Variants in PRKN observed in about 807,000 individuals in gnomAD.
The protein encoded by PRKN is E3 ubiquitin-protein ligase parkin.
A neutral mutation model predicts 59.5 loss-of-function variants in PRKN; 56 were observed. The ratio of observed to expected loss-of-function variants is 0.94; its 90% CI spans 0.76 to 1.18. PRKN has a LOEUF of 1.18. Among genes scored for constraint, PRKN ranks in the 50% most tolerant of loss-of-function variants. PRKN has a pLI of 0.00. For synonymous variants in PRKN, 250 were observed against 222.1 expected (o/e 1.13, Z -1.12); for missense variants, 657 against 596.4 (o/e 1.10, Z -1.06).
Position 161,691,015 on chromosome 6 carries a change from G to A in PRKN, c.871+94757C>T, listed in dbSNP as rs371477194. Among the ~76,000 whole-genome samples, 23 of 125,842 alleles carry A rather than the reference G, an allele frequency of 1.8e-4. No homozygotes were observed. The East Asian group carries it at 3.0e-3, about 16-fold the overall frequency. 82.6% of individuals were successfully genotyped at this position (125,842 alleles called of 152,430 possible). Reference sequence around the variant, plus strand: ...CATCCATCCATCCATCCAACCATCCGTCCATCCATCCGTCCTCCTTTCCTT... The same window carrying A: ...CATCCATCCATCCATCCAACCATCCATCCATCCATCCGTCCTCCTTTCCTT... On this transcript the variant is annotated intron_variant, in intron 7 of 11. Transcript: ENST00000366898.
chr6:162,482,715 C>T (rs899437497), intron 1 of PRKN, among the ~76,000 whole-genome samples: 1 of 152,112 alleles, frequency 6.6e-6, no homozygotes, highest in Non-Finnish European at 1.5e-5. Flanking sequence ...GAAAAGAAAG[C>T]AAGCAAGAAT....
chr6:162,487,830 C>T (rs753931049), intron 1 of PRKN, among the ~76,000 whole-genome samples: 1 of 152,122 alleles, frequency 6.6e-6, no homozygotes, highest in African/African-American at 2.4e-5. Flanking sequence ...AATCCCAACA[C>T]TTTGGGAGGC....
intron 8 of PRKN, among the ~76,000 whole-genome samples, chr6:161,565,525 G>A (rs12662290): frequency 0.53 from 80,344 of 151,812 alleles, 21,751 homozygotes; most frequent in Middle Eastern, 0.65. Flanking sequence ...GAGTCCTCAC[G>A]AGATCTGATG....
rs1195595895 is a variant in PRKN, at chr6:161,385,517, C to T, written c.1167+1277G>A. On this transcript the variant is annotated intron_variant, in intron 10 of 11. Transcript: ENST00000366898. The surrounding 1 kb of genome is among the most constrained non-coding windows in gnomAD (Gnocchi z 4.9). ...GAATGGGATTAGAGGGAGGGTCAGG[C>T]GCCTGGATGGCTTTAGGTTAAGCAA... Among the ~76,000 whole-genome samples, 7 of 152,162 alleles carry T rather than the reference C, an allele frequency of 4.6e-5. No homozygotes were observed. In the East Asian group the frequency reaches 9.6e-4, roughly 21 times the overall value.
At chr6:161,609,906 G>T (rs1332593769) in intron 7 of PRKN, among the ~76,000 whole-genome samples, 2 of 152,132 alleles carry the variant, frequency 1.3e-5, no homozygotes, top group African/African-American at 4.8e-5. Flanking sequence ...AGCTTCAAAG[G>T]AGTCGAATTG....
At chr6:162,025,491 C>A (rs985025901) in intron 5 of PRKN, among the ~76,000 whole-genome samples, 1 of 150,480 alleles carries the variant, frequency 6.6e-6, no homozygotes, top group African/African-American at 2.5e-5. Context: ...TTAGTGACTT[C>A]CTTCTATTGA....
At position 161,456,025 on chromosome 6, in the gene PRKN, T is replaced by C; in HGVS notation, c.1084-69148A>G. On this transcript the variant is annotated intron_variant, in intron 9 of 11. Coordinates refer to ENST00000366898, the MANE Select transcript of PRKN (RefSeq NM_004562.3). This position sits in a 1 kb window ranked among gnomAD's most constrained non-coding sequence, Gnocchi z 4.8. ...TCAAAATCACTATGAAAAAATGTTTTCCTAAGGAGAACGTTGGCCTCTAGG... is the reference window on the plus strand; with the variant it reads ...TCAAAATCACTATGAAAAAATGTTTCCCTAAGGAGAACGTTGGCCTCTAGG... 1.3e-5 allele frequency among the ~76,000 whole-genome samples: 2 copies of C among 152,202 alleles called. 1 individual carries two copies. The highest frequency in any genetic ancestry group is 2.9e-5 in the Non-Finnish European group (2 of 68,050).
intron 4 of PRKN, among the ~76,000 whole-genome samples, chr6:162,069,254 G>A (rs900268948): frequency 6.6e-6 from 1 of 152,056 alleles, no homozygotes; most frequent in East Asian, 1.9e-4. Flanking sequence ...TGTATCAGGG[G>A]TTTCCACTTT....
At chr6:162,116,834 A>G (rs9456744) in intron 4 of PRKN, among the ~76,000 whole-genome samples, 22,086 of 152,210 alleles carry the variant, frequency 0.15, 1,931 homozygotes, top group African/African-American at 0.24. Flanking sequence ...GAGCTGAAAT[A>G]TGGGCAAATG....
At chr6:162,467,270 TC>T (rs1003079452) in intron 1 of PRKN, among the ~76,000 whole-genome samples, 4 of 152,136 alleles carry the variant, frequency 2.6e-5, no homozygotes, top group Admixed American at 6.6e-5. Flanking sequence ...CACTACTCTA[TC>T]CCCAATGTCT....
intron 10 of PRKN, among the ~76,000 whole-genome samples, chr6:161,366,936 C>G (rs1394834104): frequency 7.1e-6 from 1 of 140,412 alleles, no homozygotes; most frequent in East Asian, 2.1e-4. Flanking sequence ...CAATTAAACT[C>G]TGCTAGATTT....
At chr6:161,697,202 C>T (rs1222454731) in intron 7 of PRKN, among the ~76,000 whole-genome samples, 2 of 152,126 alleles carry the variant, frequency 1.3e-5, no homozygotes, top group Non-Finnish European at 1.5e-5. Context: ...AGTGATTCTC[C>T]ACTTGGGATG....
intron 1 of PRKN, among the ~76,000 whole-genome samples, chr6:162,609,659 T>G (rs548538867): frequency 9.6e-4 from 147 of 152,342 alleles, no homozygotes; most frequent in African/African-American, 3.4e-3. Flanking sequence ...ATATTTAAAT[T>G]CTTATTTTTA....
At chr6:162,169,080 T>A (rs950126585) in intron 4 of PRKN, among the ~76,000 whole-genome samples, 2 of 152,178 alleles carry the variant, frequency 1.3e-5, no homozygotes, top group African/African-American at 4.8e-5. Context: ...TGCTGAAGAC[T>A]TCAGGCTCTC....
intron 3 of PRKN, among the ~76,000 whole-genome samples, chr6:162,249,019 C>T (rs190871409): frequency 6.2e-4 from 95 of 152,050 alleles, no homozygotes; most frequent in African/African-American, 2.3e-3. Flanking sequence ...CCTGGGACTA[C>T]AGGTGCACCA....
intron 4 of PRKN, among the ~76,000 whole-genome samples, chr6:162,062,931 G>T (rs1778159565): frequency 6.6e-6 from 1 of 152,126 alleles, no homozygotes; most frequent in African/African-American, 2.4e-5. Context: ...ACAATGAACT[G>T]AGCAATTGAC....
rs1310014901 is a variant in PRKN, at chr6:161,349,755, T to C, written c.*344A>G. 3 of 452,882 alleles carry C rather than the reference T, an allele frequency of 6.6e-6. No individual in the cohort carries two copies. Among genetic ancestry groups the C allele is most frequent in the African/African-American group, 1.9e-5 (1 of 51,534 alleles). The allele number at this position is 452,882 out of a possible 1,614,324, so 28.1% of individuals were successfully genotyped here. On this transcript the variant is annotated 3_prime_UTR_variant, in exon 12 of 12. Transcript: ENST00000366898. This position sits in a 1 kb window ranked among gnomAD's most constrained non-coding sequence, Gnocchi z 5.5. Reference sequence around the variant, plus strand: ...TTCAGGTGAGAATGACCCATACAGATACATGGATTGCACTTGAATCTGTGC... The same window carrying C: ...TTCAGGTGAGAATGACCCATACAGACACATGGATTGCACTTGAATCTGTGC...
chr6:161,819,364 G>C (rs1791924043), intron 6 of PRKN, among the ~76,000 whole-genome samples: 1 of 152,096 alleles, frequency 6.6e-6, no homozygotes, highest in South Asian at 2.1e-4. Flanking sequence ...GGTGGCATGT[G>C]CCTGTAATCC....
At chr6:161,770,553 C>T (rs141996365) in intron 7 of PRKN, among the ~76,000 whole-genome samples, 1,992 of 152,106 alleles carry the variant, frequency 0.013, 27 homozygotes, top group Non-Finnish European at 0.017. Context: ...CTGTAACCTC[C>T]GCTTCCCAGG....
Sources: allele counts gnomAD v4.1 joint callset (sites outside exome capture counted in the v4.1 genomes callset), GRCh38; gene constraint gnomAD v4.1.1; non-coding constraint Gnocchi (gnomAD v3.1); transcripts MANE v1.5; gene names NCBI Gene and HGNC (gene_info 2026-07-23, HGNC 2026-07-21).